CEP192: variants seen among roughly 807,000 people sequenced by gnomAD.
CEP192 encodes the protein centrosomal protein 192, also known as centrosomal protein of 192 kDa.
In CEP192, 151 loss-of-function variants were observed where a neutral mutation model predicts 271.8. The ratio of observed to expected loss-of-function variants is 0.56; its 90% confidence interval spans 0.49 to 0.64. The LOEUF (loss-of-function observed/expected upper bound fraction) is 0.64, where lower values mean the gene tolerates loss of function less well. CEP192 is among the 30% of genes least tolerant of loss of function. The pLI, the probability that CEP192 is intolerant of heterozygous loss-of-function variation, is 0.00. For synonymous variants in CEP192, 995 were observed against 1,076.5 expected, an observed-to-expected ratio of 0.92 and a Z score of 1.48; for missense variants, 2,910 against 3,020.5, an observed-to-expected ratio of 0.96 and a Z score of 0.86.
At chr18:13,084,788 A>C (rs1208712472) in intron 30 of CEP192, among the ~76,000 whole-genome samples, 1 of 151,560 alleles carries the variant, frequency 6.6e-6, no homozygotes, top group Admixed American at 6.6e-5. Context: ...ATTCTCACGC[A>C]TGAGATGGTA....
At chr18:13,117,059 CAA>C (rs35259763) in intron 43 of CEP192, among the ~76,000 whole-genome samples, 5 of 139,942 alleles carry the variant, frequency 3.6e-5, no homozygotes, top group Non-Finnish European at 1.6e-5. Flanking sequence ...CCATCTCTAC[CAA>C]AAAAAAAAAA....
chr18:13,017,108 T>G, intron 6 of CEP192, 80 bp from the exon 7 acceptor site: 1 of 1,140,464 alleles, frequency 8.8e-7, no homozygotes, highest in South Asian at 1.7e-5. Context: ...CATTTATGTC[T>G]TATCGGCCTT....
intron 12 of CEP192, 80 bp from the exon 13 acceptor site, chr18:13,038,290 C>T: frequency 2.6e-6 from 3 of 1,152,190 alleles, no homozygotes; most frequent in South Asian, 1.6e-5. Context: ...CTTGGTAAGA[C>T]TTTTTTAGTT....
chr18:13,006,469 A>C (rs1245429116), intron 3 of CEP192, among the ~76,000 whole-genome samples: 1 of 152,182 alleles, frequency 6.6e-6, no homozygotes, highest in East Asian at 1.9e-4. Flanking sequence ...TGGTACATGC[A>C]GGGGTCCCGG....
intron 38 of CEP192, 129 bp from the exon 39 acceptor site, chr18:13,103,380 T>C: frequency 1.5e-6 from 1 of 672,404 alleles, no homozygotes; most frequent in Non-Finnish European, 2.7e-6. Context: ...GTGGTTCTTG[T>C]TGAACTCCTT....
At chr18:13,088,180 G>C (rs760086403) in intron 32 of CEP192, among the ~76,000 whole-genome samples, 20 of 152,200 alleles carry the variant, frequency 1.3e-4, no homozygotes, top group Non-Finnish European at 2.4e-4. Flanking sequence ...TATAGGGCGG[G>C]CTGTGTGGCT....
intron 1 of CEP192, among the ~76,000 whole-genome samples, chr18:12,999,183 T>C (rs2033450608): frequency 6.6e-6 from 1 of 152,238 alleles, no homozygotes; most frequent in Admixed American, 6.5e-5. Context: ...TTGTATTGCA[T>C]TATTATGTTA....
chr18:13,092,590 G>T, intron 34 of CEP192, 63 bp downstream of exon 34: 3 of 1,251,406 alleles, frequency 2.4e-6, no homozygotes, highest in Non-Finnish European at 3.4e-6. Flanking sequence ...TAGCAAAGCT[G>T]ATCTTTTTTC....
chr18:13,106,541 C>CAT (rs2039960289), intron 40 of CEP192, among the ~76,000 whole-genome samples: 1 of 150,144 alleles, frequency 6.7e-6, no homozygotes, highest in African/African-American at 2.5e-5. Flanking sequence ...ACCACCTCCC[C>CAT]CATCTCCCAC....
intron 44 of CEP192, among the ~76,000 whole-genome samples, chr18:13,123,931 G>A (rs2040789082): frequency 6.6e-6 from 1 of 152,150 alleles, no homozygotes. Flanking sequence ...AAGCCAAGGC[G>A]GGTGGATCAC....
At chr18:13,045,321 T>C (rs114254955) in intron 15 of CEP192, among the ~76,000 whole-genome samples, 166 of 152,338 alleles carry the variant, frequency 1.1e-3, no homozygotes, top group African/African-American at 3.8e-3. Context: ...TTTTCTGCCT[T>C]CCTGCTTTTT....
chr18:13,094,528 G>A (rs1036974559), intron 34 of CEP192, among the ~76,000 whole-genome samples: 2 of 152,046 alleles, frequency 1.3e-5, no homozygotes, highest in Admixed American at 1.3e-4. Context: ...GTCCTTCTTT[G>A]CGCACTTTCT....
At chr18:13,032,354 G>A (rs780795412) in intron 11 of CEP192, among the ~76,000 whole-genome samples, 15 of 152,138 alleles carry the variant, frequency 9.9e-5, no homozygotes, top group Non-Finnish European at 2.1e-4. Context: ...TCAGAAGAAA[G>A]TGTAGATTTT....
chr18:13,068,578 G>A (rs1451612502), intron 24 of CEP192, among the ~76,000 whole-genome samples, 156 bp downstream of exon 24: 1 of 152,134 alleles, frequency 6.6e-6, no homozygotes, highest in East Asian at 1.9e-4. Flanking sequence ...TGCTGTTTTG[G>A]GTCAATCCTG....
chr18:13,101,404 G>A (rs921727591), intron 38 of CEP192, among the ~76,000 whole-genome samples: 2 of 152,164 alleles, frequency 1.3e-5, no homozygotes, highest in Non-Finnish European at 1.5e-5. Flanking sequence ...TTACTGGGAC[G>A]TGAGGAGCAT....
Position 13,013,226 on chromosome 18 carries a change from G to A in CEP192, c.519+201G>A, listed in dbSNP as rs912703930. 3.3e-5 allele frequency among the ~76,000 whole-genome samples: 5 copies of A among 152,128 alleles called. No homozygotes were observed. In the South Asian group the frequency reaches 1.0e-3, roughly 31 times the overall value. ...AGGGGTAGTGCTGGTGCCTGGGACT[G>A]TATTCTTGGGCTTGGTGATGTCAGA... On this transcript the variant is annotated intron_variant, in intron 5 of 44. Coordinates refer to ENST00000506447, the MANE Select transcript of CEP192 (RefSeq NM_032142.4).
In CEP192 at chr18:13,097,617, GTTTTC is replaced by G. The variant is rs1331607346; in HGVS notation, c.6557+1320_6557+1324del. 2.7e-3 allele frequency among the ~76,000 whole-genome samples: 322 copies of G among 121,138 alleles called. 1 individual carries two copies. The highest frequency in any genetic ancestry group is 4.5e-3 in the Non-Finnish European group (246 of 55,028). The allele number at this position is 121,138 out of a possible 152,430, so 79.5% of individuals were successfully genotyped here. On this transcript the variant is annotated intron_variant, in intron 36 of 44. Transcript: ENST00000506447. ...AAATGGTATTCCTAAGGCATGGTTT[GTTTTC>G]TTTTCTTTTTTTTTTTTTTAACTAT...
rs1174252930 is a variant in CEP192 at position 13,013,026 on chromosome 18, G to A, written c.519+1G>A. On this transcript the variant is annotated splice_donor_variant, in intron 5 of 44. Coordinates refer to ENST00000506447, the MANE Select transcript of CEP192 (RefSeq NM_032142.4). LOFTEE classifies it high-confidence loss of function. ...ATGGATGAATAATAAGGAACCCAAG[G>A]TAACCTTTTATATATTTGGTATCAT... 3 of 1,439,786 alleles carry A rather than the reference G, an allele frequency of 2.1e-6. No individual in the cohort carries two copies. Among genetic ancestry groups the A allele is most frequent in the Non-Finnish European group, 1.9e-6 (2 of 1,048,216 alleles). 89.2% of individuals were successfully genotyped at this position (1,439,786 alleles called of 1,614,324 possible).
intron 40 of CEP192, among the ~76,000 whole-genome samples, chr18:13,111,760 A>G (rs1382333083): frequency 6.6e-6 from 1 of 152,220 alleles, no homozygotes; most frequent in Non-Finnish European, 1.5e-5. Flanking sequence ...TACGTAAAGA[A>G]CTCTTACAAC....
Sources: allele counts gnomAD v4.1 joint callset (sites outside exome capture counted in the v4.1 genomes callset), GRCh38; gene constraint gnomAD v4.1.1; transcripts MANE v1.5; gene names NCBI Gene and HGNC (gene_info 2026-07-23, HGNC 2026-07-21).